IPO11: variants seen among roughly 807,000 people sequenced by gnomAD.
IPO11 encodes importin-11.
In IPO11, 66 loss-of-function variants were observed where a neutral mutation model predicts 143.2. That is an observed-to-expected ratio of 0.46 (90% CI 0.38 to 0.57). The LOEUF is 0.57. Ranked by LOEUF, IPO11 falls within the 20% of genes least tolerant of loss-of-function variation. IPO11 has a pLI of 0.00. For missense variants in IPO11, 1,026 were observed against 1,141.0 expected (o/e 0.90, Z 1.45); for synonymous variants, 385 against 377.8 (o/e 1.02, Z -0.22).
chr5:62,609,363 C>G (rs1348935801), intron 29 of IPO11, among the ~76,000 whole-genome samples: 1 of 152,186 alleles, frequency 6.6e-6, no homozygotes, highest in East Asian at 1.9e-4. Context: ...ATCACCAGCA[C>G]AAAAAGAAAC....
At chr5:62,551,809 T>A (rs1743397022) in intron 26 of IPO11, among the ~76,000 whole-genome samples, 1 of 152,308 alleles carries the variant, frequency 6.6e-6, no homozygotes, top group Middle Eastern at 3.4e-3. Context: ...AAGTTTGGAA[T>A]AGGTTTTTTA....
At chr5:62,506,852 C>T (rs984202115) in intron 19 of IPO11, among the ~76,000 whole-genome samples, 2 of 152,190 alleles carry the variant, frequency 1.3e-5, no homozygotes, top group Non-Finnish European at 2.9e-5. Context: ...ATCCGGAAAA[C>T]CACACTGTAA....
intron 19 of IPO11, among the ~76,000 whole-genome samples, chr5:62,511,457 A>G (rs1208865548): frequency 6.7e-6 from 1 of 150,304 alleles, no homozygotes; most frequent in African/African-American, 2.5e-5. Flanking sequence ...AAGGTATTAC[A>G]TGATAAATAT....
chr5:62,528,809 A>G (rs576221885), intron 21 of IPO11, among the ~76,000 whole-genome samples: 4 of 152,294 alleles, frequency 2.6e-5, no homozygotes, highest in African/African-American at 9.6e-5. Context: ...TAGATATCTT[A>G]GAGAATGGGA....
intron 19 of IPO11, among the ~76,000 whole-genome samples, chr5:62,507,854 T>A (rs896370922): frequency 6.6e-6 from 1 of 152,244 alleles, no homozygotes; most frequent in African/African-American, 2.4e-5. Flanking sequence ...ACACTCATCT[T>A]TCGGAGCACA....
intron 8 of IPO11, among the ~76,000 whole-genome samples, chr5:62,475,250 T>C (rs2112207887): frequency 6.6e-6 from 1 of 152,146 alleles, no homozygotes; most frequent in South Asian, 2.1e-4. Context: ...CCAGGCGTGG[T>C]GACTCAACGC....
At chr5:62,614,543 G>A (rs576947264) in intron 29 of IPO11, among the ~76,000 whole-genome samples, 9 of 152,118 alleles carry the variant, frequency 5.9e-5, no homozygotes, top group South Asian at 2.1e-4. Context: ...CCCTCACCCC[G>A]CAGGATATGC....
chr5:62,620,665 A>G (rs912018012), intron 29 of IPO11, among the ~76,000 whole-genome samples: 4 of 152,220 alleles, frequency 2.6e-5, no homozygotes, highest in Admixed American at 2.6e-4. Flanking sequence ...AATAGAAAAG[A>G]AATGTCTGGG....
At chr5:62,455,790 T>C (rs1279045167) in intron 5 of IPO11, among the ~76,000 whole-genome samples, 2 of 152,006 alleles carry the variant, frequency 1.3e-5, no homozygotes, top group African/African-American at 4.8e-5. Flanking sequence ...AGAGGTGCTG[T>C]CTTGGCTCAC....
At chr5:62,459,748 A>C (rs1745291382) in intron 5 of IPO11, among the ~76,000 whole-genome samples, 1 of 151,986 alleles carries the variant, frequency 6.6e-6, no homozygotes, top group Non-Finnish European at 1.5e-5. Flanking sequence ...CAGGGGTTTC[A>C]CCATATTGGC....
At chr5:62,578,613 A>G (rs1273536756) in intron 27 of IPO11, 1 of 445,176 alleles carries the variant, frequency 2.2e-6, no homozygotes, top group Non-Finnish European at 4.6e-6. Flanking sequence ...ATATTAGGAA[A>G]ACTCTAACTG....
At chr5:62,620,455 C>G (rs551516358) in intron 29 of IPO11, among the ~76,000 whole-genome samples, 4 of 147,538 alleles carry the variant, frequency 2.7e-5, no homozygotes, top group Non-Finnish European at 5.9e-5. Context: ...GGAGGCGGAG[C>G]TTGCGGTGAG....
chr5:62,448,114 G>T (rs1744784753), intron 3 of IPO11, among the ~76,000 whole-genome samples: 1 of 151,598 alleles, frequency 6.6e-6, no homozygotes, highest in African/African-American at 2.4e-5. Context: ...CAGGTGATAG[G>T]TTCCAAGACT....
At chr5:62,530,229 T>C (rs73108021) in intron 21 of IPO11, among the ~76,000 whole-genome samples, 6,673 of 152,274 alleles carry the variant, frequency 0.044, 491 homozygotes, top group African/African-American at 0.15. Context: ...CTTTAGTATA[T>C]ACAGTTGTGT....
chr5:62,575,741 T>G (rs1013622937), intron 27 of IPO11, among the ~76,000 whole-genome samples: 1 of 152,218 alleles, frequency 6.6e-6, no homozygotes, highest in African/African-American at 2.4e-5. Context: ...ACTGATGATG[T>G]TAATGCTGGT....
At chr5:62,516,854 C>T (rs552323175) in intron 20 of IPO11, among the ~76,000 whole-genome samples, 1 of 151,296 alleles carries the variant, frequency 6.6e-6, no homozygotes, top group Admixed American at 6.6e-5. Flanking sequence ...AAAACTGAAG[C>T]TATATCATTA....
chr5:62,479,764 T>C (rs1484636205), intron 9 of IPO11, among the ~76,000 whole-genome samples: 1 of 152,192 alleles, frequency 6.6e-6, no homozygotes, highest in African/African-American at 2.4e-5. Flanking sequence ...TCATGTCCTT[T>C]GCCCACTTTT....
chr5:62,585,392 T>C (rs1580354081), intron 27 of IPO11, among the ~76,000 whole-genome samples: 1 of 152,258 alleles, frequency 6.6e-6, no homozygotes, highest in African/African-American at 2.4e-5. Flanking sequence ...TTATAAATGC[T>C]ACTGACCAGG....
chr5:62,585,104 C>A (rs1435015456), intron 27 of IPO11, among the ~76,000 whole-genome samples: 3 of 152,304 alleles, frequency 2.0e-5, no homozygotes, highest in Middle Eastern at 3.4e-3. Context: ...TGCACATAAA[C>A]CCTAGCCTGT....
Sources: allele counts gnomAD v4.1 joint callset (sites outside exome capture counted in the v4.1 genomes callset), GRCh38; gene constraint gnomAD v4.1.1; transcripts MANE v1.5; gene names NCBI Gene and HGNC (gene_info 2026-07-23, HGNC 2026-07-21).